The following KDM2A variants were observed in gnomAD, a reference collection of about 807,000 sequenced individuals.
KDM2A encodes lysine demethylase 2A.
In KDM2A, 3 loss-of-function variants were observed where a neutral mutation model predicts 137.3. The ratio of observed to expected loss-of-function variants is 0.02; its 90% CI spans 0.01 to 0.06. The LOEUF (loss-of-function observed/expected upper bound fraction) is 0.06. Among genes scored for constraint, KDM2A ranks in the 10% least tolerant of loss-of-function variants. The pLI, the probability that KDM2A is intolerant of heterozygous loss-of-function variation, is 1.00. For missense variants in KDM2A, 738 were observed against 1,510.6 expected (o/e 0.49, Z 8.48); for synonymous variants, 512 against 541.5 (o/e 0.95, Z 0.76).
chr11:67,124,654 A>G (rs1441467523), intron 2 of KDM2A, among the ~76,000 whole-genome samples: 1 of 140,204 alleles, frequency 7.1e-6, no homozygotes, highest in Non-Finnish European at 1.5e-5. Context: ...GGTAGGGAGG[A>G]ATAGTGGGAA....
intron 2 of KDM2A, among the ~76,000 whole-genome samples, chr11:67,150,899 C>T (rs750401069): frequency 3.9e-5 from 6 of 152,134 alleles, no homozygotes; most frequent in African/African-American, 7.2e-5. Flanking sequence ...TTCACCTCTT[C>T]TTTCATCCTA....
intron 2 of KDM2A, among the ~76,000 whole-genome samples, chr11:67,127,252 T>A (rs1268762049): frequency 2.6e-5 from 4 of 152,110 alleles, no homozygotes; most frequent in Non-Finnish European, 4.4e-5. Flanking sequence ...TGTGCCACCA[T>A]GCCTGGCTAA....
rs1859163696 is a variant in KDM2A, at chr11:67,245,040, G to A, written c.1564-149G>A. The A allele has an allele frequency of 3.8e-6, 3 of 780,390 alleles. No individual in the cohort carries two copies. The highest frequency in any genetic ancestry group is 6.2e-6 in the Non-Finnish European group (3 of 482,488). The allele number at this position is 780,390 out of a possible 1,614,324, so 48.3% of individuals were successfully genotyped here. Reference sequence around the variant, plus strand: ...AATACATACACAAGATGAGTTGTGTGTCAATAAAATTTATTCTAGAAACAA... The same window carrying A: ...AATACATACACAAGATGAGTTGTGTATCAATAAAATTTATTCTAGAAACAA... On this transcript the variant is annotated intron_variant, in intron 13 of 20. Coordinates refer to ENST00000529006, the MANE Select transcript of KDM2A (RefSeq NM_012308.3). This position sits in a 1 kb window ranked among gnomAD's most constrained non-coding sequence, Gnocchi z 4.1.
chr11:67,252,056 A>T (rs1859445883), intron 17 of KDM2A, among the ~76,000 whole-genome samples: 1 of 152,166 alleles, frequency 6.6e-6, no homozygotes, highest in Non-Finnish European at 1.5e-5. Flanking sequence ...TGTAGACTGC[A>T]GTGGAAAGCC....
chr11:67,224,741 C>T (rs991300190), intron 10 of KDM2A, among the ~76,000 whole-genome samples: 5 of 151,464 alleles, frequency 3.3e-5, no homozygotes, highest in African/African-American at 1.2e-4. Flanking sequence ...GCTGGGATTG[C>T]AGGCTTGAGC....
intron 2 of KDM2A, among the ~76,000 whole-genome samples, chr11:67,156,643 C>T (rs565785452): frequency 4.0e-5 from 6 of 150,690 alleles, no homozygotes; most frequent in East Asian, 2.0e-4. Flanking sequence ...GGCGTGAACC[C>T]GGGAGGCTGA....
intron 2 of KDM2A, among the ~76,000 whole-genome samples, chr11:67,152,396 C>T (rs1298482956): frequency 4.0e-5 from 6 of 151,756 alleles, no homozygotes; most frequent in African/African-American, 7.3e-5. Context: ...GTTGGAGGGT[C>T]GTTTGAGACC....
At chr11:67,180,332 C>CT (rs1331199916) in intron 3 of KDM2A, 115 bp downstream of exon 3, 1 of 1,091,360 alleles carries the variant, frequency 9.2e-7, no homozygotes, top group Non-Finnish European at 1.3e-6. Flanking sequence ...TGTTATCTAT[C>CT]TATTTTCTCT....
At chr11:67,225,494 G>T (rs1408081816) in intron 10 of KDM2A, among the ~76,000 whole-genome samples, 1 of 152,028 alleles carries the variant, frequency 6.6e-6, no homozygotes, top group Non-Finnish European at 1.5e-5. Context: ...CAATTGGCCA[G>T]TCACGCTGGC....
At position 67,255,647 on chromosome 11, in the gene KDM2A, T is replaced by G; in HGVS notation, c.*592T>G. ...GTGCTCTCCCTCCTTTCCTCTCCCT[T>G]GAGCTTGGTTCTGCCCAGCACTCGT... On this transcript the variant is annotated 3_prime_UTR_variant, in exon 21 of 21. Transcript: ENST00000529006. 1 of 449,368 alleles carries G rather than the reference T, an allele frequency of 2.2e-6. No individual in the cohort carries two copies. Among genetic ancestry groups the G allele is most frequent in the Non-Finnish European group, 4.5e-6 (1 of 222,210 alleles). 27.8% of individuals were successfully genotyped at this position (449,368 alleles called of 1,614,324 possible).
chr11:67,177,356 T>C lies in KDM2A; in HGVS notation c.43-2723T>C, dbSNP rs1856993036. Reference sequence around the variant, plus strand: ...TTTTGAACATTTTCTAATTTTCCACTTTTGTAATAATACTTAGCTTAAAAC... The same window carrying C: ...TTTTGAACATTTTCTAATTTTCCACCTTTGTAATAATACTTAGCTTAAAAC... On this transcript the variant is annotated intron_variant, in intron 2 of 20. Transcript: ENST00000529006. Among the ~76,000 whole-genome samples the C allele has an allele frequency of 2.0e-5, 3 of 152,376 alleles. No individual in the cohort carries two copies. The South Asian group carries it at 6.2e-4, about 32-fold the overall frequency.
At position 67,254,084 on chromosome 11, in the gene KDM2A, C is replaced by CAGTTCTACTT. The variant is rs371682532; in HGVS notation, c.3092-117_3092-108dup. ...CCCTGAAGGCATGGCTGGGTGTGGG[C>CAGTTCTACTT]AGTTCTACTTAACCCCTTCAAGGGG... On this transcript the variant is annotated intron_variant, in intron 19 of 20. Transcript: ENST00000529006. The surrounding 1 kb of genome is among the most constrained non-coding windows in gnomAD (Gnocchi z 4.7). The CAGTTCTACTT allele has an allele frequency of 3.6e-5, 28 of 778,860 alleles. No individual in the cohort carries two copies. In the African/African-American group the frequency reaches 4.7e-4, roughly 13 times the overall value. 48.2% of individuals were successfully genotyped at this position (778,860 alleles called of 1,614,324 possible). A position where few individuals can be genotyped will look rare whatever the true frequency, so the allele number is the denominator to read the frequency against.
rs375645780 is a variant in KDM2A at position 67,231,629 on chromosome 11, G to A, written c.1148G>A (p.Arg383Gln). The change falls in exon 12 of 21, where the codon CGA (arginine) becomes CAA (glutamine). Residue 383 changes from arginine to glutamine, a missense_variant. By Grantham distance (43) the Arg-to-Gln change is conservative. This residue lies in a region of KDM2A where 113 missense variants were observed against 133.5 expected (regional missense o/e 0.85). Coordinates refer to ENST00000529006, the MANE Select transcript of KDM2A (RefSeq NM_012308.3). ...GDEEAVDREP[R>Q]RLSSRRSVLT... is the part of the protein sequence containing the mutation. ...GAGGAAGCAGTGGATCGAGAACCCC[G>A]ACGCTTGAGCAGCAGGCGTTCTGTC... is the stretch of plus-strand genomic sequence containing the variant. 34 of 1,612,380 alleles carry A rather than the reference G, an allele frequency of 2.1e-5. No individual in the cohort carries two copies. Among genetic ancestry groups the A allele is most frequent in the South Asian group, 1.8e-4 (16 of 90,834 alleles).
chr11:67,206,387 C>T (rs933596096), intron 5 of KDM2A, among the ~76,000 whole-genome samples: 3 of 152,080 alleles, frequency 2.0e-5, no homozygotes, highest in Non-Finnish European at 4.4e-5. Context: ...GCCAAGATTT[C>T]GCACCACTGC....
At chr11:67,136,627 G>C (rs936930218) in intron 2 of KDM2A, among the ~76,000 whole-genome samples, 1 of 152,228 alleles carries the variant, frequency 6.6e-6, no homozygotes, top group African/African-American at 2.4e-5. Context: ...GGCTTCTTGA[G>C]AAGGTGGCAT....
intron 2 of KDM2A, among the ~76,000 whole-genome samples, chr11:67,133,186 G>A (rs1257938553): frequency 2.0e-5 from 3 of 152,096 alleles, no homozygotes; most frequent in East Asian, 3.9e-4. Flanking sequence ...TGCAATCTCC[G>A]CCTTCAGGGT....
intron 12 of KDM2A, chr11:67,240,211 T>A (rs1858987254): frequency 6.5e-7 from 1 of 1,534,960 alleles, no homozygotes; most frequent in African/African-American, 1.4e-5. Flanking sequence ...CTGCCCTATG[T>A]GCTCTGGGAG....
intron 2 of KDM2A, among the ~76,000 whole-genome samples, chr11:67,154,277 G>A (rs1590729358): frequency 6.6e-6 from 1 of 152,060 alleles, no homozygotes; most frequent in African/African-American, 2.4e-5. Flanking sequence ...ATATATAATT[G>A]TTTTAAATTG....
chr11:67,234,411 G>T (rs189633794), intron 12 of KDM2A, among the ~76,000 whole-genome samples: 49 of 152,338 alleles, frequency 3.2e-4, no homozygotes, highest in Non-Finnish European at 6.0e-4. Flanking sequence ...TAGTAGAAGA[G>T]ATGAGGGGAA....
Sources: gnomAD v4.1 joint callset for allele counts (sites outside exome capture counted in the v4.1 genomes callset) on GRCh38, gnomAD v4.1.1 for gene constraint, gnomAD v4.1.1 regional missense constraint, Gnocchi (gnomAD v3.1) non-coding constraint, MANE v1.5 for transcripts, NCBI Gene and HGNC (gene_info 2026-07-23, HGNC 2026-07-21) for gene names.